Variants in TTLL1 observed in about 807,000 individuals in gnomAD.
TTLL1 encodes TTL family tubulin polyglutamylase complex subunit L1, also known as polyglutamylase complex subunit TTLL1.
A neutral mutation model predicts 47.8 loss-of-function variants in TTLL1; 33 were observed. The observed-to-expected ratio is 0.69, with a 90% CI of 0.52 to 0.92. The LOEUF is 0.92. TTLL1 is among the 40% of genes least tolerant of loss of function. The pLI is 0.00. For synonymous variants in TTLL1, 225 were observed against 214.1 expected (o/e 1.05, Z -0.45); for missense variants, 488 against 547.5 (o/e 0.89, Z 1.08).
At chr22:43,070,150 G>A (rs1928018682) in intron 3 of TTLL1, 1 of 1,413,014 alleles carries the variant, frequency 7.1e-7, no homozygotes, top group Non-Finnish European at 9.5e-7. Flanking sequence ...TGATAACACT[G>A]TCAACAAATA....
At chr22:43,045,840 GC>G (rs2146959090) in intron 10 of TTLL1, among the ~76,000 whole-genome samples, 1 of 152,158 alleles carries the variant, frequency 6.6e-6, no homozygotes, top group South Asian at 2.1e-4. Context: ...AGCTATCCCG[GC>G]GGCCAGCGGG....
rs369000313 is a variant in TTLL1, at chr22:43,042,109, G to A, written c.1143-2204C>T. On this transcript the variant is annotated intron_variant, in intron 10 of 10. Transcript: ENST00000266254. ...TAAATGTCGTCACTCCACTGCCCCCGTGTTTGCTTCCCTGGCCAGGGGGCT... is the reference window on the plus strand; with the variant it reads ...TAAATGTCGTCACTCCACTGCCCCCATGTTTGCTTCCCTGGCCAGGGGGCT... 9.9e-5 allele frequency among the ~76,000 whole-genome samples: 15 copies of A among 152,282 alleles called. No individual in the cohort carries two copies. The East Asian group carries it at 1.5e-3, about 16-fold the overall frequency.
intron 1 of TTLL1, among the ~76,000 whole-genome samples, chr22:43,086,956 C>T (rs1405515954): frequency 2.6e-5 from 4 of 152,196 alleles, no homozygotes; most frequent in Non-Finnish European, 1.5e-5. Flanking sequence ...CCTACGAGGC[C>T]AGCCCTGCAG....
intron 2 of TTLL1, among the ~76,000 whole-genome samples, chr22:43,076,529 A>T (rs546417096): frequency 2.1e-4 from 32 of 152,130 alleles, no homozygotes; most frequent in Non-Finnish European, 4.4e-4. Flanking sequence ...AGGTGGGCAG[A>T]TCATGAGGTC....
At chr22:43,068,105 T>G (rs1400415800) in intron 5 of TTLL1, among the ~76,000 whole-genome samples, 1 of 147,390 alleles carries the variant, frequency 6.8e-6, no homozygotes, top group Non-Finnish European at 1.5e-5. Context: ...TGAGCCACCA[T>G]GCCCAGCCGC....
intron 8 of TTLL1, among the ~76,000 whole-genome samples, chr22:43,057,392 G>A (rs1180637853): frequency 2.6e-5 from 4 of 152,076 alleles, no homozygotes; most frequent in African/African-American, 9.6e-5. Flanking sequence ...TTACAGGCGT[G>A]AGCCACTGTG....
At chr22:43,041,807 C>G (rs753953917) in intron 10 of TTLL1, among the ~76,000 whole-genome samples, 1 of 152,148 alleles carries the variant, frequency 6.6e-6, no homozygotes, top group Non-Finnish European at 1.5e-5. Flanking sequence ...TGAGCCACTG[C>G]GCCTGGCCGC....
chr22:43,066,248 G>C (rs1452651654), intron 5 of TTLL1, among the ~76,000 whole-genome samples: 1 of 151,854 alleles, frequency 6.6e-6, no homozygotes, highest in Admixed American at 6.6e-5. Flanking sequence ...CTGGCAACAC[G>C]CTCCCGGCCT....
intron 7 of TTLL1, among the ~76,000 whole-genome samples, chr22:43,062,556 G>A (rs12484326): frequency 0.082 from 12,453 of 151,856 alleles, 924 homozygotes; most frequent in East Asian, 0.28. Flanking sequence ...AACGCCAGGC[G>A]CAGTGGCACA....
chr22:43,050,364 C>T (rs1304035087), intron 9 of TTLL1, among the ~76,000 whole-genome samples: 12 of 151,062 alleles, frequency 7.9e-5, no homozygotes, highest in Non-Finnish European at 1.8e-4. Context: ...TGCAGTGAGC[C>T]GAGATCGTGC....
chr22:43,077,057 C>T (rs1380056156), intron 2 of TTLL1, among the ~76,000 whole-genome samples: 1 of 151,920 alleles, frequency 6.6e-6, no homozygotes, highest in African/African-American at 2.4e-5. Context: ...GCGGAGATCG[C>T]ACCACTGCAC....
Position 43,075,565 on chromosome 22 carries a change from C to T in TTLL1, c.22G>A (p.Val8Ile), listed in dbSNP as rs1928430666. ...AGCACTGACTTCTCGATATCAGTGACCCATTTTACTTTCCCTGCCATAATC... is the reference window on the plus strand; with the variant it reads ...AGCACTGACTTCTCGATATCAGTGATCCATTTTACTTTCCCTGCCATAATC... The part of the protein sequence containing the change: MAGKVKW[V>I]TDIEKSVLIN... The change falls in exon 3 of 11, where the codon GTC (valine) becomes ATC (isoleucine). Residue 8 changes from valine (V) to isoleucine (I), a missense_variant. Coordinates refer to ENST00000266254, the MANE Select transcript of TTLL1 (RefSeq NM_012263.5). The T allele has an allele frequency of 1.9e-6, 3 of 1,614,176 alleles. No homozygotes were observed. Among genetic ancestry groups the T allele is most frequent in the Non-Finnish European group, 1.7e-6 (2 of 1,180,004 alleles).
intron 3 of TTLL1, among the ~76,000 whole-genome samples, chr22:43,074,110 G>A (rs920319382): frequency 6.6e-6 from 1 of 151,858 alleles, no homozygotes; most frequent in African/African-American, 2.4e-5. Flanking sequence ...GGGCATGACG[G>A]CCAGAACAAG....
chr22:43,071,180 G>A (rs1413492607), intron 3 of TTLL1, among the ~76,000 whole-genome samples: 1 of 151,870 alleles, frequency 6.6e-6, no homozygotes, highest in East Asian at 1.9e-4. Context: ...GCCTCCCAAA[G>A]TGCTGCAGTT....
intron 8 of TTLL1, among the ~76,000 whole-genome samples, chr22:43,058,694 G>GTT (rs991436140): frequency 1.2e-4 from 18 of 144,364 alleles, no homozygotes; most frequent in African/African-American, 4.3e-4. Flanking sequence ...GTTTTTTTTT[G>GTT]TTTTTTTTTT....
In TTLL1 at chr22:43,068,572, T is replaced by C; in HGVS notation, c.341A>G (p.Tyr114Cys). Residue 114 changes from tyrosine to cysteine, a missense_variant, in exon 5 of 11, where the codon TAT becomes TGT. By Grantham distance (194) the Tyr-to-Cys change is radical. Coordinates refer to ENST00000266254, the MANE Select transcript of TTLL1 (RefSeq NM_012263.5). ...YLYLDFVPVTYMLPADYNLFV... is the reference protein window; with the variant it reads ...YLYLDFVPVTCMLPADYNLFV... ...CAGGTTGTAGTCAGCGGGCAGCATA[T>C]AGGTGACTGGAACAAAGTCTGCAAG... 6.6e-7 allele frequency: 1 copy of C among 1,506,076 alleles called. No homozygotes were observed. Among genetic ancestry groups the C allele is most frequent in the Non-Finnish European group, 9.0e-7 (1 of 1,109,760 alleles). The allele number at this position is 1,506,076 out of a possible 1,614,324, so 93.3% of individuals were successfully genotyped here. A position where few individuals can be genotyped will look rare whatever the true frequency, so the allele number is the denominator to read the frequency against.
At position 43,050,867 on chromosome 22, in the gene TTLL1, T is replaced by C. The variant is rs865978143; in HGVS notation, c.978+934A>G. 3.3e-5 allele frequency among the ~76,000 whole-genome samples: 5 copies of C among 152,162 alleles called. No homozygotes were observed. In the East Asian group the frequency reaches 7.7e-4, roughly 23 times the overall value. ...ATGGAGGACAAGAAAGTACAAACAC[T>C]GGCTATCTATTCCCCGCTCACACAC... On this transcript the variant is annotated intron_variant, in intron 9 of 10. Transcript: ENST00000266254.
chr22:43,072,457 A>G (rs1428218933), intron 3 of TTLL1, among the ~76,000 whole-genome samples: 2 of 149,776 alleles, frequency 1.3e-5, no homozygotes, highest in Non-Finnish European at 3.0e-5. Flanking sequence ...CCTGGCCACC[A>G]TCTTTATTTT....
intron 8 of TTLL1, among the ~76,000 whole-genome samples, chr22:43,054,248 C>G (rs1292678256): frequency 4.6e-5 from 7 of 152,224 alleles, no homozygotes; most frequent in Non-Finnish European, 7.3e-5. Flanking sequence ...AGATGGGGCA[C>G]TCGGCCCCTA....
Sources: gnomAD v4.1 joint callset for allele counts (sites outside exome capture counted in the v4.1 genomes callset) on GRCh38, gnomAD v4.1.1 for gene constraint, MANE v1.5 for transcripts, NCBI Gene and HGNC (gene_info 2026-07-23, HGNC 2026-07-21) for gene names.